The following ITGB5 variants were observed in gnomAD, a reference collection of about 807,000 sequenced individuals.
The protein encoded by ITGB5 is integrin subunit beta 5.
In ITGB5, 38 loss-of-function variants were observed where a neutral mutation model predicts 84.8. The observed-to-expected ratio is 0.45, with a 90% CI of 0.35 to 0.59. ITGB5 has a LOEUF of 0.59. ITGB5 is among the 20% of genes least tolerant of loss of function. ITGB5 has a pLI of 0.01. For missense variants in ITGB5, 905 were observed against 1,034.5 expected (o/e 0.87, Z 1.72); for synonymous variants, 393 against 414.4 (o/e 0.95, Z 0.63).
chr3:124,840,567 A>T (rs1352659932), intron 5 of ITGB5, among the ~76,000 whole-genome samples: 4 of 152,194 alleles, frequency 2.6e-5, no homozygotes, highest in Non-Finnish European at 5.9e-5. Context: ...TTCTGATCTA[A>T]GTCTAGGCCC....
chr3:124,825,743 C>A (rs910351150), intron 5 of ITGB5, among the ~76,000 whole-genome samples: 1 of 152,148 alleles, frequency 6.6e-6, no homozygotes, highest in African/African-American at 2.4e-5. Flanking sequence ...TGGAAATAAT[C>A]CATATCTCAA....
chr3:124,769,112 C>T lies in ITGB5; in HGVS notation c.1918G>A (p.Asp640Asn). ...TGGAGCAGCAGGCACTCGACGCAATCTCTTTGGAAAAGAGGAGATAAAGGT... is the reference window on the plus strand; with the variant it reads ...TGGAGCAGCAGGCACTCGACGCAATTTCTTTGGAAAAGAGGAGATAAAGGT... ...TCPDACSTKRDCVECLLLHSG... is the reference protein window; with the variant it reads ...TCPDACSTKRNCVECLLLHSG... The change falls in exon 12 of 15, where the codon GAT (aspartate) becomes AAT (asparagine). Residue 640 changes from aspartate (D) to asparagine (N), a missense_variant and splice_region_variant. Transcript: ENST00000296181. The T allele has an allele frequency of 6.2e-7, 1 of 1,613,842 alleles. No homozygotes were observed. Among genetic ancestry groups the T allele is most frequent in the Non-Finnish European group, 8.5e-7 (1 of 1,179,858 alleles).
intron 5 of ITGB5, among the ~76,000 whole-genome samples, chr3:124,837,741 C>T (rs2107588113): frequency 6.6e-6 from 1 of 152,322 alleles, no homozygotes; most frequent in Non-Finnish European, 1.5e-5. Flanking sequence ...ACAGTCCATT[C>T]AGGGAAACAA....
At chr3:124,817,586 G>T in intron 8 of ITGB5, 35 bp downstream of exon 8, 1 of 1,168,328 alleles carries the variant, frequency 8.6e-7, no homozygotes, top group Non-Finnish European at 1.2e-6. Context: ...AGGGTGGAAG[G>T]GAGGTGGCAG....
intron 3 of ITGB5, among the ~76,000 whole-genome samples, chr3:124,856,019 A>T (rs2065218130): frequency 6.6e-6 from 1 of 151,948 alleles, no homozygotes; most frequent in South Asian, 2.1e-4. Context: ...TCTAGACTGG[A>T]GCCTCAAACT....
intron 10 of ITGB5, among the ~76,000 whole-genome samples, chr3:124,775,470 C>T (rs991202842): frequency 5.9e-5 from 9 of 152,094 alleles, no homozygotes; most frequent in East Asian, 3.9e-4. Context: ...TAGATAGCAC[C>T]GTCTTCCAAG....
intron 2 of ITGB5, 44 bp downstream of exon 2, chr3:124,873,402 C>T (rs955455430): frequency 5.2e-6 from 7 of 1,344,192 alleles, no homozygotes; most frequent in East Asian, 2.3e-5. Flanking sequence ...CCCTCACCCT[C>T]GCAGCATTCC....
intron 8 of ITGB5, among the ~76,000 whole-genome samples, chr3:124,813,363 G>A (rs1040006036): frequency 1.3e-5 from 2 of 152,092 alleles, no homozygotes; most frequent in African/African-American, 4.8e-5. Flanking sequence ...ACACTGGTTG[G>A]TTATCTTCTA....
chr3:124,886,380 G>A (rs939341362), intron 1 of ITGB5, among the ~76,000 whole-genome samples: 1 of 152,152 alleles, frequency 6.6e-6, no homozygotes, highest in African/African-American at 2.4e-5. Flanking sequence ...TTCAAAGGCA[G>A]GCGGCTAGCC....
At chr3:124,794,296 T>C (rs1490122690) in intron 10 of ITGB5, among the ~76,000 whole-genome samples, 1 of 152,220 alleles carries the variant, frequency 6.6e-6, no homozygotes, top group Non-Finnish European at 1.5e-5. Flanking sequence ...AACTGCCAAC[T>C]TGTCATTTAA....
intron 1 of ITGB5, among the ~76,000 whole-genome samples, chr3:124,881,507 T>C (rs904012150): frequency 2.6e-5 from 4 of 152,054 alleles, no homozygotes; most frequent in Admixed American, 2.6e-4. Context: ...CACCCAGGGA[T>C]GTAGGGAAGG....
upstream of ITGB5, among the ~76,000 whole-genome samples, chr3:124,892,481 G>C (rs1935019697): frequency 6.7e-6 from 1 of 148,494 alleles, no homozygotes; most frequent in Non-Finnish European, 1.5e-5. Context: ...CTTGAGTCCA[G>C]GAGTTCGAGA....
chr3:124,864,021 GAAGA>G (rs140956267), intron 2 of ITGB5, among the ~76,000 whole-genome samples: 4,246 of 106,020 alleles, frequency 0.04, 109 homozygotes, highest in African/African-American at 0.068. Flanking sequence ...GAGAAAGAAA[GAAGA>G]AAGAAAGAAA....
intron 4 of ITGB5, among the ~76,000 whole-genome samples, chr3:124,845,774 G>C (rs1330986486): frequency 6.6e-6 from 1 of 152,144 alleles, no homozygotes; most frequent in Non-Finnish European, 1.5e-5. Flanking sequence ...CTATCTGTCT[G>C]GAGACAGGGC....
intron 2 of ITGB5, among the ~76,000 whole-genome samples, chr3:124,872,499 T>G (rs1934104887): frequency 6.6e-6 from 1 of 152,294 alleles, no homozygotes; most frequent in Admixed American, 6.5e-5. Context: ...TCCCTAGACC[T>G]CTGAGGCTGC....
At chr3:124,862,994 A>G (rs1427870909) in intron 2 of ITGB5, 3 of 151,950 alleles carry the variant, frequency 2.0e-5, no homozygotes, top group Non-Finnish European at 4.4e-5. Context: ...ATTCTCAGCA[A>G]CTCCAGCTTT....
At chr3:124,874,323 A>AG (rs1934203848) in intron 1 of ITGB5, among the ~76,000 whole-genome samples, 1 of 151,050 alleles carries the variant, frequency 6.6e-6, no homozygotes. Flanking sequence ...AAAAAAAAAA[A>AG]AAAGAAAGAA....
chr3:124,874,185 T>C (rs951228146), intron 1 of ITGB5, among the ~76,000 whole-genome samples: 3 of 150,358 alleles, frequency 2.0e-5, no homozygotes, highest in Non-Finnish European at 4.4e-5. Context: ...CTAGGCAACA[T>C]AGGGTCCCTG....
chr3:124,873,032 A>AT (rs61760565), intron 2 of ITGB5, among the ~76,000 whole-genome samples: 21,927 of 152,248 alleles, frequency 0.14, 1,765 homozygotes, highest in South Asian at 0.21. Flanking sequence ...CCTAATATTT[A>AT]TTCTCAAGTA....
Sources: gnomAD v4.1 joint callset for allele counts (sites outside exome capture counted in the v4.1 genomes callset) on GRCh38, gnomAD v4.1.1 for gene constraint, MANE v1.5 for transcripts, NCBI Gene and HGNC (gene_info 2026-07-23, HGNC 2026-07-21) for gene names.